Variants in NCOA3 observed in about 807,000 individuals in gnomAD.
NCOA3 encodes the protein CBP-interacting protein.
Under a neutral mutation model 158.8 loss-of-function variants are expected in NCOA3, and 51 were observed. The ratio of observed to expected loss-of-function variants is 0.32; its 90% confidence interval spans 0.26 to 0.41. The LOEUF is 0.41. Among genes scored for constraint, NCOA3 ranks in the 10% least tolerant of loss-of-function variants. The pLI, the probability that NCOA3 is intolerant of heterozygous loss-of-function variation, is 1.00. For synonymous variants in NCOA3, 537 were observed against 592.4 expected (o/e 0.91, Z 1.36); for missense variants, 1,510 against 1,746.6 (o/e 0.86, Z 2.41).
chr20:47,606,824 C>A (rs1177701890), intron 2 of NCOA3, among the ~76,000 whole-genome samples: 1 of 152,138 alleles, frequency 6.6e-6, no homozygotes, highest in African/African-American at 2.4e-5. Flanking sequence ...CCTGTCACTA[C>A]AGGGAAAACA....
chr20:47,597,054 A>G (rs1422867194), intron 2 of NCOA3, among the ~76,000 whole-genome samples: 2 of 152,246 alleles, frequency 1.3e-5, no homozygotes, highest in African/African-American at 4.8e-5. Context: ...TAATATACAT[A>G]CAAAATATTT....
At chr20:47,618,887 A>C (rs905564528) in intron 2 of NCOA3, among the ~76,000 whole-genome samples, 15 of 152,198 alleles carry the variant, frequency 9.9e-5, no homozygotes, top group Admixed American at 8.5e-4. Flanking sequence ...TGTGCTTATT[A>C]ATTTTTTTGC....
chr20:47,592,025 C>T (rs1044359113), intron 2 of NCOA3, among the ~76,000 whole-genome samples: 1 of 152,104 alleles, frequency 6.6e-6, no homozygotes, highest in African/African-American at 2.4e-5. Context: ...GGACTCCAAT[C>T]ATACTTGCTA....
intron 2 of NCOA3, among the ~76,000 whole-genome samples, chr20:47,584,655 A>G (rs1164909730): frequency 6.6e-6 from 1 of 151,824 alleles, no homozygotes; most frequent in Non-Finnish European, 1.5e-5. Context: ...AAGAGAAAAT[A>G]TACATATTAT....
At chr20:47,568,922 A>G (rs778562485) in intron 1 of NCOA3, among the ~76,000 whole-genome samples, 9 of 151,886 alleles carry the variant, frequency 5.9e-5, no homozygotes, top group Non-Finnish European at 1.2e-4. Context: ...GTGGTGGTTA[A>G]TGAAGGCTGG....
intron 1 of NCOA3, among the ~76,000 whole-genome samples, chr20:47,540,526 C>T (rs761138287): frequency 3.3e-5 from 5 of 150,650 alleles, no homozygotes; most frequent in Non-Finnish European, 7.4e-5. Context: ...GAGCTGAGAC[C>T]GCAGGATTGT....
In NCOA3 at chr20:47,632,851, T is replaced by C. The variant is rs2086444154; in HGVS notation, c.824-645T>C. 2.0e-5 allele frequency among the ~76,000 whole-genome samples: 3 copies of C among 151,536 alleles called. No homozygotes were observed. In the South Asian group the frequency reaches 6.3e-4, roughly 32 times the overall value. On this transcript the variant is annotated intron_variant, in intron 8 of 22. Coordinates refer to ENST00000371998, the MANE Select transcript of NCOA3 (RefSeq NM_181659.3). Reference sequence around the variant, plus strand: ...GCGCACACTCCCATGCCCAGCTAATTTTTGTATTTTTACTAGAGATGGGGT... The same window carrying C: ...GCGCACACTCCCATGCCCAGCTAATCTTTGTATTTTTACTAGAGATGGGGT...
intron 1 of NCOA3, among the ~76,000 whole-genome samples, chr20:47,549,542 A>G (rs1389190657): frequency 6.8e-6 from 1 of 147,908 alleles, no homozygotes; most frequent in Non-Finnish European, 1.5e-5. Flanking sequence ...CCTGGGCAAC[A>G]GAGCGAAGAC....
chr20:47,594,189 C>G (rs1319008311), intron 2 of NCOA3, among the ~76,000 whole-genome samples: 1 of 152,156 alleles, frequency 6.6e-6, no homozygotes, highest in East Asian at 1.9e-4. Context: ...GAGTAGTAGT[C>G]TCATCTTGGC....
At chr20:47,601,291 C>T (rs772399481) in intron 2 of NCOA3, among the ~76,000 whole-genome samples, 7 of 152,206 alleles carry the variant, frequency 4.6e-5, no homozygotes, top group Non-Finnish European at 1.0e-4. Context: ...AGGCATTAAT[C>T]CATCTTAACG....
intron 2 of NCOA3, among the ~76,000 whole-genome samples, chr20:47,583,532 A>G (rs2085486786): frequency 6.6e-6 from 1 of 152,170 alleles, no homozygotes; most frequent in South Asian, 2.1e-4. Flanking sequence ...AAACTTAACT[A>G]CTAATAACCT....
Position 47,635,400 on chromosome 20 carries a change from G to T in NCOA3, c.1191G>T (p.Ser397=), listed in dbSNP as rs754833516. The change falls in exon 11 of 23, where the codon TCG becomes TCT. Residue 397 remains serine (S), a synonymous_variant. Coordinates refer to ENST00000371998, the MANE Select transcript of NCOA3 (RefSeq NM_181659.3). The stretch of plus-strand genomic sequence containing the variant: ...CACCTATGGCTGGATGCAACAGTTC[G>T]GTAGGCGGCATGAGTATGTCGCCAA... The part of the protein sequence containing the change: ...IRPPMAGCNS[S]VGGMSMSPNQ... 1.2e-6 allele frequency: 2 copies of T among 1,614,150 alleles called. No homozygotes were observed. Among genetic ancestry groups the T allele is most frequent in the Non-Finnish European group, 1.7e-6 (2 of 1,180,016 alleles).
At chr20:47,536,188 C>T (rs1013845416) in intron 1 of NCOA3, among the ~76,000 whole-genome samples, 4 of 152,206 alleles carry the variant, frequency 2.6e-5, no homozygotes, top group Non-Finnish European at 5.9e-5. Context: ...GTGGAGCACT[C>T]ACCATGTACC....
chr20:47,509,281 C>T (rs2146047544), intron 1 of NCOA3, among the ~76,000 whole-genome samples: 1 of 152,170 alleles, frequency 6.6e-6, no homozygotes, highest in South Asian at 2.1e-4. Flanking sequence ...GTGGTCCCAG[C>T]CGCATGTGAG....
At chr20:47,640,176 G>C (rs936846829) in intron 16 of NCOA3, 125 bp downstream of exon 16, 1 of 1,307,394 alleles carries the variant, frequency 7.6e-7, no homozygotes, top group African/African-American at 1.5e-5. Context: ...TGGGTTGCCA[G>C]CTGGGCATTT....
Position 47,503,918 on chromosome 20 carries a change from G to A in NCOA3, c.-99+1899G>A, listed in dbSNP as rs1280308209. On this transcript the variant is annotated intron_variant, in intron 1 of 22. Coordinates refer to ENST00000371998, the MANE Select transcript of NCOA3 (RefSeq NM_181659.3). Reference sequence around the variant, plus strand: ...GGGCATTTTATGTATAGATGGAAATGACTTAATTGTCCAATCAGCATTTGA... The same window carrying A: ...GGGCATTTTATGTATAGATGGAAATAACTTAATTGTCCAATCAGCATTTGA... 2.0e-5 allele frequency among the ~76,000 whole-genome samples: 3 copies of A among 152,150 alleles called. No individual in the cohort carries two copies. In the East Asian group the frequency reaches 5.8e-4, roughly 29 times the overall value.
intron 18 of NCOA3, 82 bp downstream of exon 18, chr20:47,647,448 C>G: frequency 7.9e-7 from 1 of 1,264,302 alleles, no homozygotes; most frequent in South Asian, 1.4e-5. Flanking sequence ...ACCACTGGTG[C>G]AATCTATCCC....
intron 2 of NCOA3, among the ~76,000 whole-genome samples, chr20:47,594,993 C>T (rs936758523): frequency 4.7e-5 from 7 of 150,532 alleles, no homozygotes; most frequent in South Asian, 4.3e-4. Flanking sequence ...AATTTTGCCA[C>T]GCTGGCCAGG....
At chr20:47,607,935 T>A (rs1440982129) in intron 2 of NCOA3, among the ~76,000 whole-genome samples, 1 of 152,262 alleles carries the variant, frequency 6.6e-6, no homozygotes, top group Non-Finnish European at 1.5e-5. Context: ...TATATGTTTT[T>A]AATTATTTTA....
Sources: gnomAD v4.1 joint callset for allele counts (sites outside exome capture counted in the v4.1 genomes callset) on GRCh38, gnomAD v4.1.1 for gene constraint, MANE v1.5 for transcripts, NCBI Gene and HGNC (gene_info 2026-07-23, HGNC 2026-07-21) for gene names.